The following NHS variants were observed in gnomAD, a reference collection of about 807,000 sequenced individuals.
NHS encodes NHS actin remodeling regulator.
NHS carries 5 observed loss-of-function variants against 72.5 expected under a neutral mutation model. The observed-to-expected ratio is 0.07, with a 90% CI of 0.04 to 0.14. The LOEUF is 0.14. NHS is among the 10% of genes least tolerant of loss of function. The pLI is 1.00. For synonymous variants in NHS, 464 were observed against 547.7 expected (o/e 0.85, Z 2.13); for missense variants, 1,072 against 1,355.7 (o/e 0.79, Z 3.29).
intron 1 of NHS, chrX:17,587,138 T>G (rs754916555): frequency 9.2e-4 from 104 of 112,559 alleles, no homozygotes; most frequent in African/African-American, 3.2e-3. Context: ...TTTTTTCACT[T>G]AATAAAAATG....
At chrX:17,591,841 A>G (rs2065604358) in intron 1 of NHS, among the ~76,000 whole-genome samples, 1 of 112,007 alleles carries the variant, frequency 8.9e-6, no homozygotes, top group Admixed American at 9.5e-5. Flanking sequence ...TCCAATCTTG[A>G]GAATATTGTC....
intron 1 of NHS, among the ~76,000 whole-genome samples, chrX:17,683,552 G>C (rs148457796): frequency 0.016 from 1,806 of 111,129 alleles, 16 homozygotes; most frequent in Middle Eastern, 0.032. Context: ...TACTTTCTCT[G>C]AGTTCCCATT....
In NHS at chrX:17,375,359, C is replaced by A; in HGVS notation, c.-399C>A. On this transcript the variant is annotated 5_prime_UTR_variant, in exon 1 of 9. Coordinates refer to ENST00000676302, the MANE Select transcript of NHS (RefSeq NM_001291867.2). ...CACTCACACCCACCCACCCACTCAC[C>A]CACACACACACAGACACACGCACGC... 1 of 339,923 alleles carries A rather than the reference C, an allele frequency of 2.9e-6. No homozygotes were observed. The highest frequency in any genetic ancestry group is 5.0e-6 in the Non-Finnish European group (1 of 198,267). The allele number at this position is 339,923 out of a possible 1,213,427, so 28.0% of individuals were successfully genotyped here. A position where few individuals can be genotyped will look rare whatever the true frequency, so the allele number is the denominator to read the frequency against.
intron 1 of NHS, among the ~76,000 whole-genome samples, chrX:17,397,143 A>G (rs2064479707): frequency 8.9e-6 from 1 of 112,825 alleles, no homozygotes; most frequent in South Asian, 3.6e-4. Flanking sequence ...GAGCCAGTAC[A>G]CTTCCCTATG....
At chrX:17,647,647 G>A (rs2065912110) in intron 1 of NHS, among the ~76,000 whole-genome samples, 1 of 112,170 alleles carries the variant, frequency 8.9e-6, no homozygotes, top group Non-Finnish European at 1.9e-5. Flanking sequence ...AGTTCTTCTT[G>A]GCCCACAGCA....
intron 1 of NHS, among the ~76,000 whole-genome samples, chrX:17,438,016 C>T (rs2064732305): frequency 8.9e-6 from 1 of 112,110 alleles, no homozygotes; most frequent in Non-Finnish European, 1.9e-5. Flanking sequence ...TTTTATTTTT[C>T]AATTAAAAAT....
chrX:17,538,436 G>A lies in NHS; in HGVS notation c.566-149306G>A, dbSNP rs759306205. Among the ~76,000 whole-genome samples, 157 of 111,704 alleles carry A rather than the reference G, an allele frequency of 1.4e-3. 1 individual carries two copies. Among genetic ancestry groups the A allele is most frequent in the Non-Finnish European group, 1.2e-3 (64 of 53,062 alleles). On this transcript the variant is annotated intron_variant, in intron 1 of 8. Transcript: ENST00000676302. ...GCACTAAAGAGTAGGCTCCCAGCGT[G>A]GGCAATTGGGGCTTCGTCCTGTTGG...
chrX:17,448,991 G>T (rs2064794577), intron 1 of NHS, among the ~76,000 whole-genome samples: 1 of 112,674 alleles, frequency 8.9e-6, no homozygotes, highest in South Asian at 3.7e-4. Context: ...ATGGCAGCAG[G>T]TACTGTCGTT....
chrX:17,643,039 G>A (rs1319799957), intron 1 of NHS, among the ~76,000 whole-genome samples: 1 of 112,138 alleles, frequency 8.9e-6, no homozygotes, highest in Non-Finnish European at 1.9e-5. Flanking sequence ...GGATGGTAAT[G>A]TTAAAAGTAA....
At chrX:17,434,642 A>G (rs1601705498) in intron 1 of NHS, among the ~76,000 whole-genome samples, 1 of 109,744 alleles carries the variant, frequency 9.1e-6, no homozygotes, top group Non-Finnish European at 1.9e-5. Context: ...ACGGGGTTTC[A>G]CTGTGTTAAC....
At chrX:17,423,957 A>G (rs2064636535) in intron 1 of NHS, among the ~76,000 whole-genome samples, 2 of 112,384 alleles carry the variant, frequency 1.8e-5, no homozygotes, top group Admixed American at 1.9e-4. Context: ...AAAGACAGTA[A>G]TGCCTTATTT....
At chrX:17,492,714 G>A (rs1480368694) in intron 1 of NHS, among the ~76,000 whole-genome samples, 1 of 111,645 alleles carries the variant, frequency 9.0e-6, no homozygotes, top group Non-Finnish European at 1.9e-5. Context: ...TCGTTGATCT[G>A]TCTAATATTG....
intron 1 of NHS, among the ~76,000 whole-genome samples, chrX:17,589,314 C>T (rs2065591040): frequency 9.0e-6 from 1 of 111,132 alleles, no homozygotes; most frequent in Admixed American, 9.5e-5. Flanking sequence ...TCCCCACCTT[C>T]CCACTCTTTT....
intron 1 of NHS, among the ~76,000 whole-genome samples, chrX:17,428,995 A>G (rs942404040): frequency 1.8e-5 from 2 of 111,847 alleles, no homozygotes; most frequent in African/African-American, 6.5e-5. Flanking sequence ...ATCAGGCACT[A>G]CACCAGGCAT....
intron 1 of NHS, among the ~76,000 whole-genome samples, chrX:17,553,395 C>CA (rs2065346991): frequency 8.9e-6 from 1 of 112,748 alleles, no homozygotes; most frequent in Non-Finnish European, 1.9e-5. Context: ...TAACAGCCAG[C>CA]ATGAATGGGT....
chrX:17,655,126 G>C (rs1483397412), intron 1 of NHS, among the ~76,000 whole-genome samples: 1 of 112,155 alleles, frequency 8.9e-6, no homozygotes, highest in Non-Finnish European at 1.9e-5. Flanking sequence ...CTCTAGTCCT[G>C]TTATATGCGG....
intron 1 of NHS, among the ~76,000 whole-genome samples, chrX:17,681,228 C>G (rs2066127092): frequency 8.9e-6 from 1 of 112,180 alleles, no homozygotes; most frequent in African/African-American, 3.2e-5. Context: ...GAGCTCCAGA[C>G]TTTCCTCTTG....
chrX:17,434,012 C>T (rs1235443414), intron 1 of NHS, among the ~76,000 whole-genome samples: 1 of 112,080 alleles, frequency 8.9e-6, no homozygotes, highest in African/African-American at 3.2e-5. Context: ...CAGGCTTCTT[C>T]CATCTTGTGG....
intron 1 of NHS, among the ~76,000 whole-genome samples, chrX:17,410,703 T>G (rs2064553848): frequency 9.1e-6 from 1 of 110,312 alleles, no homozygotes; most frequent in Non-Finnish European, 1.9e-5. Context: ...AACTCTCACA[T>G]AAGCCCATGA....
Sources: allele counts gnomAD v4.1 joint callset (sites outside exome capture counted in the v4.1 genomes callset), GRCh38; gene constraint gnomAD v4.1.1; transcripts MANE v1.5; gene names NCBI Gene and HGNC (gene_info 2026-07-23, HGNC 2026-07-21).